NTAQ1: variants seen among roughly 807,000 people sequenced by gnomAD.
NTAQ1 encodes the protein protein N-terminal glutamine amidohydrolase.
NTAQ1 carries 21 observed loss-of-function variants against 28.2 expected under a neutral mutation model. The ratio of observed to expected loss-of-function variants is 0.74; its 90% CI spans 0.53 to 1.07. The LOEUF (loss-of-function observed/expected upper bound fraction) is 1.07, where lower values mean the gene tolerates loss of function less well. NTAQ1 is among the 50% of genes least tolerant of loss of function. The probability of loss-of-function intolerance (pLI) is 0.00; values close to 1 mark genes in which losing one functional copy is unlikely to be tolerated. For missense variants in NTAQ1, 264 were observed against 256.6 expected, an observed-to-expected ratio of 1.03 and a Z score of -0.20; for synonymous variants, 105 against 90.0, an observed-to-expected ratio of 1.17 and a Z score of -0.94.
At chr8:123,436,667 C>CT (rs10590897) in intron 4 of NTAQ1, 66 bp downstream of exon 4, 34,721 of 1,321,064 alleles carry the variant, frequency 0.026, 68 homozygotes, top group South Asian at 0.053. Context: ...CACAGAGGTT[C>CT]TTTTTTTTTT....
chr8:123,433,952 A>G (rs1173160471), intron 3 of NTAQ1, among the ~76,000 whole-genome samples: 1 of 150,652 alleles, frequency 6.6e-6, no homozygotes, highest in East Asian at 1.9e-4. Context: ...CTTATCAGCA[A>G]TCGTTAGTGT....
intron 3 of NTAQ1, chr8:123,435,606 C>G (rs1814657369): frequency 2.3e-6 from 2 of 881,624 alleles, no homozygotes; most frequent in Non-Finnish European, 2.7e-6. Context: ...GTGGCTCACA[C>G]CTGTAATTCC....
chr8:123,424,696 C>T (rs544417801), intron 1 of NTAQ1, among the ~76,000 whole-genome samples: 254 of 152,276 alleles, frequency 1.7e-3, no homozygotes, highest in Middle Eastern at 3.4e-3. Flanking sequence ...TGAACCACCT[C>T]GCCTGGCCCC....
At chr8:123,458,751 G>C (rs1815730156) in intron 6 of NTAQ1, among the ~76,000 whole-genome samples, 1 of 151,642 alleles carries the variant, frequency 6.6e-6, no homozygotes, top group South Asian at 2.1e-4. Flanking sequence ...CTCCCGAGTA[G>C]CTGGGACTAC....
chr8:123,433,534 G>A (rs777400180), intron 3 of NTAQ1, among the ~76,000 whole-genome samples: 4 of 152,138 alleles, frequency 2.6e-5, no homozygotes, highest in Non-Finnish European at 5.9e-5. Context: ...TGCAACCTCT[G>A]TCTCCTGGGT....
At chr8:123,463,078 G>T (rs1224975371) in intron 6 of NTAQ1, among the ~76,000 whole-genome samples, 1 of 152,134 alleles carries the variant, frequency 6.6e-6, no homozygotes, top group Admixed American at 6.6e-5. Flanking sequence ...GCTCTTTGTA[G>T]GGAAGAACAC....
At chr8:123,424,444 A>G (rs887692936) in intron 1 of NTAQ1, among the ~76,000 whole-genome samples, 1 of 152,002 alleles carries the variant, frequency 6.6e-6, no homozygotes, top group Non-Finnish European at 1.5e-5. Context: ...GGGTTTCACT[A>G]TGTTGGCCAG....
chr8:123,437,031 G>A (rs3779985), intron 4 of NTAQ1, among the ~76,000 whole-genome samples, 179 bp from the exon 5 acceptor site: 1 of 151,742 alleles, frequency 6.6e-6, no homozygotes, highest in Admixed American at 6.6e-5. Flanking sequence ...CTGTTTCGGG[G>A]TTTGGTTGAT....
chr8:123,420,383 T>C (rs1813604980), intron 1 of NTAQ1, among the ~76,000 whole-genome samples: 1 of 152,182 alleles, frequency 6.6e-6, no homozygotes, highest in Non-Finnish European at 1.5e-5. Flanking sequence ...TGAACATATA[T>C]GTGCATGTGT....
At chr8:123,473,686 C>T (rs1286460436), downstream of NTAQ1, among the ~76,000 whole-genome samples, 4 of 152,198 alleles carry the variant, frequency 2.6e-5, no homozygotes, top group Non-Finnish European at 2.9e-5. Context: ...AACATTCCCA[C>T]GTAATTTTAG....
At chr8:123,427,767 G>C in intron 1 of NTAQ1, among the ~76,000 whole-genome samples, 157 bp from the exon 2 acceptor site, 1 of 152,168 alleles carries the variant, frequency 6.6e-6, no homozygotes, top group East Asian at 1.9e-4. Context: ...CAGCTTGTTG[G>C]GATGTTTTAG....
At chr8:123,464,910 C>T (rs535092705) in intron 6 of NTAQ1, among the ~76,000 whole-genome samples, 2 of 152,152 alleles carry the variant, frequency 1.3e-5, no homozygotes, top group African/African-American at 2.4e-5. Context: ...TGGTATCATG[C>T]GCCTGTAATC....
At chr8:123,418,242 G>A (rs763282002) in intron 1 of NTAQ1, among the ~76,000 whole-genome samples, 7 of 152,132 alleles carry the variant, frequency 4.6e-5, no homozygotes, top group Non-Finnish European at 8.8e-5. Context: ...CTTGAGGCCA[G>A]GAGTCTGAGA....
chr8:123,434,366 C>T (rs1814576222), intron 3 of NTAQ1, among the ~76,000 whole-genome samples: 1 of 152,150 alleles, frequency 6.6e-6, no homozygotes, highest in African/African-American at 2.4e-5. Flanking sequence ...GTGGCTCACA[C>T]CCATAATCCC....
At chr8:123,423,030 T>G (rs1053603038) in intron 1 of NTAQ1, among the ~76,000 whole-genome samples, 3 of 152,234 alleles carry the variant, frequency 2.0e-5, no homozygotes, top group African/African-American at 7.2e-5. Context: ...ACCAGTACCA[T>G]GCTGTTTTGG....
chr8:123,427,955 A>C lies in NTAQ1; in HGVS notation c.115A>C (p.Ile39Leu). ...EENIWKLCEYIKNHDQYPLEE... is the reference protein window; with the variant it reads ...EENIWKLCEYLKNHDQYPLEE... ...AAATATTTGGAAGCTCTGTGAATACATCAAAAACCATGACCAGTATCCTTT... is the reference window on the plus strand; with the variant it reads ...AAATATTTGGAAGCTCTGTGAATACCTCAAAAACCATGACCAGTATCCTTT... The change falls in exon 2 of 6, where the codon ATC (isoleucine) becomes CTC (leucine). Residue 39 changes from isoleucine (I) to leucine (L), a missense_variant. Physicochemically the swap from Ile to Leu is conservative, Grantham distance 5. Coordinates refer to ENST00000287387, the MANE Select transcript of NTAQ1 (RefSeq NM_018024.3). 1 of 1,610,576 alleles carries C rather than the reference A, an allele frequency of 6.2e-7. No individual in the cohort carries two copies. Among genetic ancestry groups the C allele is most frequent in the Non-Finnish European group, 8.5e-7 (1 of 1,178,714 alleles).
chr8:123,433,906 A>G (rs1209445411), intron 3 of NTAQ1, among the ~76,000 whole-genome samples: 2 of 139,264 alleles, frequency 1.4e-5, no homozygotes, highest in African/African-American at 5.3e-5. Context: ...TTCTTAAAAC[A>G]TTATGAAATT....
At chr8:123,437,080 G>A (rs563988612) in intron 4 of NTAQ1, 130 bp from the exon 5 acceptor site, 29 of 1,243,090 alleles carry the variant, frequency 2.3e-5, no homozygotes, top group Non-Finnish European at 3.0e-5. Flanking sequence ...AAAGTTGCCT[G>A]TATTACTAAC....
exon 7 of NTAQ1, among the ~76,000 whole-genome samples, chr8:123,467,684 G>A (rs1211524071): frequency 6.6e-6 from 1 of 152,222 alleles, no homozygotes; most frequent in Admixed American, 6.5e-5. Flanking sequence ...GAGCAAGGAA[G>A]AAAGGGAGAG....
Sources: allele counts gnomAD v4.1 joint callset (sites outside exome capture counted in the v4.1 genomes callset), GRCh38; gene constraint gnomAD v4.1.1; transcripts MANE v1.5; gene names NCBI Gene and HGNC (gene_info 2026-07-23, HGNC 2026-07-21).